Variants in RBFOX1 observed in about 807,000 individuals in gnomAD.
The protein encoded by RBFOX1 is RNA binding fox-1 homolog 1, also known as RNA binding protein fox-1 homolog 1.
A neutral mutation model predicts 57.7 loss-of-function variants in RBFOX1; 8 were observed. The ratio of observed to expected loss-of-function variants is 0.14; its 90% confidence interval spans 0.08 to 0.25. RBFOX1 has a LOEUF of 0.25. RBFOX1 is among the 10% of genes least tolerant of loss of function. The pLI is 1.00. For missense variants in RBFOX1, 611 were observed against 548.5 expected (o/e 1.11, Z -1.14); for synonymous variants, 326 against 222.4 (o/e 1.47, Z -4.15).
In RBFOX1 at chr16:7,188,797, A is replaced by G. The variant is rs137998567; in HGVS notation, c.27+136699A>G. On this transcript the variant is annotated intron_variant, in intron 4 of 15. Transcript: ENST00000550418. ...CGCAAGAGCTGGTATAGGGCATGCT[A>G]CGAAGGAACCAAAGAATGACATTGA... is the stretch of plus-strand genomic sequence containing the variant. Among the ~76,000 whole-genome samples the G allele has an allele frequency of 9.8e-5, 15 of 152,336 alleles. No homozygotes were observed. In the East Asian group the frequency reaches 2.7e-3, roughly 27 times the overall value.
chr16:5,640,037 A>G (rs376215779), intron 3 of RBFOX1, among the ~76,000 whole-genome samples: 1 of 152,142 alleles, frequency 6.6e-6, no homozygotes, highest in Admixed American at 6.5e-5. Context: ...TGCATGTGAT[A>G]AGGATCTTGT....
chr16:7,301,238 A>C (rs1647661227), intron 4 of RBFOX1, among the ~76,000 whole-genome samples: 1 of 152,184 alleles, frequency 6.6e-6, no homozygotes, highest in South Asian at 2.1e-4. Context: ...ATCAATGGAA[A>C]AGTGTTCCTC....
intron 1 of RBFOX1, among the ~76,000 whole-genome samples, chr16:5,357,960 C>G (rs1174085878): frequency 6.6e-6 from 1 of 152,138 alleles, no homozygotes; most frequent in African/African-American, 2.4e-5. Context: ...TGCTGGGGGA[C>G]TTTATTAGTT....
chr16:7,710,844 TAA>T lies in RBFOX1; in HGVS notation c.*112_*113del, dbSNP rs5815427. On this transcript the variant is annotated 3_prime_UTR_variant, in exon 16 of 16. Transcript: ENST00000550418. ...CAGTAGTACATCATTTTAGCAACTCTAAAAAAAAAAAAAATACAAATAAAAAG... is the reference window on the plus strand; with the variant it reads ...CAGTAGTACATCATTTTAGCAACTCTAAAAAAAAAAAATACAAATAAAAAG... The T allele has an allele frequency of 0.079, 65,543 of 824,848 alleles. 1,125 individuals are homozygous for T. The highest frequency in any genetic ancestry group is 0.088 in the Non-Finnish European group (54,716 of 618,712). The allele number at this position is 824,848 out of a possible 1,614,324, so 51.1% of individuals were successfully genotyped here.
At chr16:6,627,583 A>G (rs2098327566) in intron 2 of RBFOX1, among the ~76,000 whole-genome samples, 1 of 152,176 alleles carries the variant, frequency 6.6e-6, no homozygotes, top group Non-Finnish European at 1.5e-5. Flanking sequence ...GATAAGAACT[A>G]TGAACGCTAG....
intron 2 of RBFOX1, among the ~76,000 whole-genome samples, chr16:6,493,612 T>C (rs1240605264): frequency 6.6e-6 from 1 of 152,222 alleles, no homozygotes; most frequent in African/African-American, 2.4e-5. Flanking sequence ...TATATATTTA[T>C]GAAAACACTG....
At chr16:6,751,971 C>T (rs992603380) in intron 3 of RBFOX1, among the ~76,000 whole-genome samples, 17 of 152,032 alleles carry the variant, frequency 1.1e-4, no homozygotes, top group African/African-American at 4.1e-4. Context: ...TATGTCCTTG[C>T]CCTCAAATCA....
chr16:6,121,327 G>A lies in RBFOX1; in HGVS notation c.-127+101335G>A, dbSNP rs74004785. Among the ~76,000 whole-genome samples, 1,393 of 152,288 alleles carry A rather than the reference G, an allele frequency of 9.1e-3. 29 individuals carry two copies. Among genetic ancestry groups the A allele is most frequent in the African/African-American group, 0.031 (1,288 of 41,550 alleles). ...GTATTCTTTACAAGGTGCCCCAGTGGGTGTGATACAAGCTGGCCTGTCTAC... is the reference window on the plus strand; with the variant it reads ...GTATTCTTTACAAGGTGCCCCAGTGAGTGTGATACAAGCTGGCCTGTCTAC... On this transcript the variant is annotated intron_variant, in intron 1 of 15. Transcript: ENST00000550418.
chr16:7,247,833 A>C (rs1353616775), intron 4 of RBFOX1, among the ~76,000 whole-genome samples: 1 of 152,196 alleles, frequency 6.6e-6, no homozygotes, highest in African/African-American at 2.4e-5. Flanking sequence ...GTGGGGGCTA[A>C]ATGATGAGGA....
intron 4 of RBFOX1, among the ~76,000 whole-genome samples, chr16:7,063,674 C>T (rs2055175229): frequency 6.6e-6 from 1 of 152,148 alleles, no homozygotes; most frequent in African/African-American, 2.4e-5. Context: ...TTTGCAGATT[C>T]AACCAACTGT....
chr16:6,759,132 C>G (rs1304944553), intron 3 of RBFOX1, among the ~76,000 whole-genome samples: 1 of 145,424 alleles, frequency 6.9e-6, no homozygotes, highest in Admixed American at 7.1e-5. Flanking sequence ...AGTGGAGTTT[C>G]ATATTACTTA....
chr16:7,659,661 A>G (rs769207420), intron 12 of RBFOX1, among the ~76,000 whole-genome samples: 12 of 152,206 alleles, frequency 7.9e-5, no homozygotes, highest in Admixed American at 2.0e-4. Flanking sequence ...GCTGCATTCA[A>G]AGTTGTCCTG....
intron 4 of RBFOX1, among the ~76,000 whole-genome samples, chr16:7,200,966 C>G (rs555102359): frequency 6.6e-6 from 1 of 152,154 alleles, no homozygotes; most frequent in Admixed American, 6.5e-5. Context: ...CCCTGAACTT[C>G]TTGTATGGGA....
At chr16:5,463,877 C>T (rs1333401801) in intron 1 of RBFOX1, among the ~76,000 whole-genome samples, 1 of 151,956 alleles carries the variant, frequency 6.6e-6, no homozygotes, top group Non-Finnish European at 1.5e-5. Flanking sequence ...AATGCAACCA[C>T]TGTGGGAGGT....
At chr16:6,049,053 CTTTTTTT>C (rs534794320) in intron 1 of RBFOX1, among the ~76,000 whole-genome samples, 11 of 112,894 alleles carry the variant, frequency 9.7e-5, no homozygotes, top group Admixed American at 1.9e-4. Context: ...CTTCTAACAG[CTTTTTTT>C]TTTTTTTTTT....
At chr16:5,440,006 G>A (rs1272001605) in intron 1 of RBFOX1, among the ~76,000 whole-genome samples, 1 of 152,190 alleles carries the variant, frequency 6.6e-6, no homozygotes, top group East Asian at 1.9e-4. Flanking sequence ...TAGTTTGGCT[G>A]TTAACACCAT....
chr16:6,273,671 A>G (rs950932245), intron 1 of RBFOX1, among the ~76,000 whole-genome samples: 1 of 152,070 alleles, frequency 6.6e-6, no homozygotes, highest in African/African-American at 2.4e-5. Context: ...TAGCACCAAA[A>G]GCACAGTTCA....
At chr16:6,935,326 C>T (rs1206947152) in intron 3 of RBFOX1, among the ~76,000 whole-genome samples, 5 of 152,052 alleles carry the variant, frequency 3.3e-5, no homozygotes, top group Non-Finnish European at 4.4e-5. Context: ...TGATAGTTTC[C>T]CTTCATAAAG....
chr16:6,442,985 A>G (rs1288562432), intron 2 of RBFOX1, among the ~76,000 whole-genome samples: 1 of 152,226 alleles, frequency 6.6e-6, no homozygotes, highest in Non-Finnish European at 1.5e-5. Flanking sequence ...TTCTGATGTG[A>G]AAGTGAGTAC....
Sources: gnomAD v4.1 joint callset for allele counts (sites outside exome capture counted in the v4.1 genomes callset) on GRCh38, gnomAD v4.1.1 for gene constraint, MANE v1.5 for transcripts, NCBI Gene and HGNC (gene_info 2026-07-23, HGNC 2026-07-21) for gene names.